Variants in CNNM2 observed in about 807,000 individuals in gnomAD.
CNNM2 encodes the protein cyclin and CBS domain divalent metal cation transport mediator 2.
CNNM2 carries 12 observed loss-of-function variants against 66.9 expected under a neutral mutation model. That is an observed-to-expected ratio of 0.18 (90% confidence interval 0.11 to 0.29). CNNM2 has a LOEUF of 0.29. Among genes scored for constraint, CNNM2 ranks in the 10% least tolerant of loss-of-function variants. The probability of loss-of-function intolerance (pLI) is 1.00; values close to 1 mark genes in which losing one functional copy is unlikely to be tolerated. For missense variants in CNNM2, 705 were observed against 1,167.7 expected (o/e 0.60, Z 5.77); for synonymous variants, 557 against 501.8 (o/e 1.11, Z -1.47).
chr10:103,011,839 C>T (rs536328288), intron 1 of CNNM2, among the ~76,000 whole-genome samples: 38 of 152,116 alleles, frequency 2.5e-4, no homozygotes, highest in Non-Finnish European at 4.3e-4. Flanking sequence ...ACTACAGGCA[C>T]GCGCCACCAT....
intron 3 of CNNM2, 126 bp from the exon 4 acceptor site, chr10:103,056,669 C>G: frequency 3.4e-6 from 3 of 886,902 alleles, no homozygotes; most frequent in East Asian, 2.6e-5. Context: ...AAACGGAAGC[C>G]TCGTCCATTC....
intron 1 of CNNM2, among the ~76,000 whole-genome samples, chr10:103,000,785 G>C (rs1163148059): frequency 2.0e-5 from 3 of 152,156 alleles, no homozygotes; most frequent in Non-Finnish European, 4.4e-5. Flanking sequence ...TGCCATGTTG[G>C]CCAGTCTGGT....
At chr10:103,000,437 G>A (rs2064096800) in intron 1 of CNNM2, among the ~76,000 whole-genome samples, 1 of 151,712 alleles carries the variant, frequency 6.6e-6, no homozygotes, top group African/African-American at 2.4e-5. Context: ...ATTTTTTTGT[G>A]TGTGTTTTAT....
At chr10:103,025,894 T>C (rs1041570713) in intron 1 of CNNM2, among the ~76,000 whole-genome samples, 1 of 152,236 alleles carries the variant, frequency 6.6e-6, no homozygotes, top group Admixed American at 6.5e-5. Context: ...CTCACAAAGT[T>C]CATGTGGCGA....
chr10:103,070,158 C>T (rs1489158818), intron 5 of CNNM2, among the ~76,000 whole-genome samples: 1 of 152,208 alleles, frequency 6.6e-6, no homozygotes, highest in Non-Finnish European at 1.5e-5. Context: ...CCACTGTGAA[C>T]ATGGGCCTGT....
chr10:102,992,723 T>G (rs776137559), intron 1 of CNNM2, among the ~76,000 whole-genome samples: 4 of 152,184 alleles, frequency 2.6e-5, no homozygotes, highest in Non-Finnish European at 5.9e-5. Flanking sequence ...CAAGCCTGCC[T>G]CGGTACCACA....
rs955872971 is a variant in CNNM2, at chr10:102,972,494, G to A, written c.1621+52393G>A. 2.0e-5 allele frequency among the ~76,000 whole-genome samples: 3 copies of A among 152,080 alleles called. No homozygotes were observed. Among genetic ancestry groups the A allele is most frequent in the South Asian group, 2.1e-4 (1 of 4,822 alleles). On this transcript the variant is annotated intron_variant, in intron 1 of 7. Coordinates refer to ENST00000369878, the MANE Select transcript of CNNM2 (RefSeq NM_017649.5). ...TACTAAAAATACAAAAAAATTAGAC[G>A]GGCGTGGTGGCGGGCGCCTGTAGTC...
chr10:102,963,837 A>G (rs1214846380), intron 1 of CNNM2, among the ~76,000 whole-genome samples: 1 of 152,240 alleles, frequency 6.6e-6, no homozygotes, highest in Non-Finnish European at 1.5e-5. Flanking sequence ...ACTTGAGGTG[A>G]TAAGTGCCCA....
intron 1 of CNNM2, among the ~76,000 whole-genome samples, chr10:102,984,547 G>A (rs1377317818): frequency 1.3e-5 from 2 of 152,152 alleles, no homozygotes; most frequent in Non-Finnish European, 1.5e-5. Context: ...GATGTTACTA[G>A]TAATTTTAAA....
Position 103,083,949 on chromosome 10 carries a change from G to T in CNNM2, c.*6769G>T, listed in dbSNP as rs1050362098. On this transcript the variant is annotated 3_prime_UTR_variant, in exon 8 of 8. Transcript: ENST00000369878. ...CCGGCCTGAGTGTGGCGAGGCGTGTGCAGGTGGGTCTTCAGGATTCAGTGG... is the reference window on the plus strand; with the variant it reads ...CCGGCCTGAGTGTGGCGAGGCGTGTTCAGGTGGGTCTTCAGGATTCAGTGG... 1 of 152,256 alleles carries T rather than the reference G, an allele frequency of 6.6e-6. No individual in the cohort carries two copies. Among genetic ancestry groups the T allele is most frequent in the Non-Finnish European group, 1.5e-5 (1 of 68,080 alleles). 9.4% of individuals were successfully genotyped at this position (152,256 alleles called of 1,614,324 possible).
rs1261111286 is a variant in CNNM2, at chr10:103,087,172, T to TTTTTTA, written c.*9992_*9993insTTTTTA. 5 of 108,090 alleles carry TTTTTTA rather than the reference T, an allele frequency of 4.6e-5. No homozygotes were observed. The highest frequency in any genetic ancestry group is 1.7e-4 in the African/African-American group (5 of 29,900). 6.7% of individuals were successfully genotyped at this position (108,090 alleles called of 1,614,324 possible). ...TTTTTTTTTTTTTTTTTTTTTTTTT[T>TTTTTTA]AAGGAAAAAAGTATACCTTTTAAGT... On this transcript the variant is annotated 3_prime_UTR_variant, in exon 8 of 8. Transcript: ENST00000369878.
chr10:102,996,205 C>T (rs2064000080), intron 1 of CNNM2, among the ~76,000 whole-genome samples: 1 of 151,024 alleles, frequency 6.6e-6, no homozygotes, highest in African/African-American at 2.4e-5. Context: ...TTTTATTGAT[C>T]TTTTCAAAGA....
At chr10:103,067,731 T>TC (rs1486021187) in intron 4 of CNNM2, among the ~76,000 whole-genome samples, 1 of 151,960 alleles carries the variant, frequency 6.6e-6, no homozygotes, top group East Asian at 1.9e-4. Context: ...AGACACTCTA[T>TC]CCCAAAAGAA....
intron 1 of CNNM2, among the ~76,000 whole-genome samples, chr10:103,030,230 C>T (rs923801341): frequency 4.6e-5 from 7 of 152,048 alleles, no homozygotes; most frequent in Non-Finnish European, 7.4e-5. Flanking sequence ...AGAACTTAAA[C>T]GTTCCTAAAT....
In CNNM2 at chr10:102,929,373, T is replaced by G. The variant is rs146702047; in HGVS notation, c.1621+9272T>G. Among the ~76,000 whole-genome samples, 13 of 151,902 alleles carry G rather than the reference T, an allele frequency of 8.6e-5. No homozygotes were observed. In the East Asian group the frequency reaches 2.5e-3, roughly 29 times the overall value. On this transcript the variant is annotated intron_variant, in intron 1 of 7. Coordinates refer to ENST00000369878, the MANE Select transcript of CNNM2 (RefSeq NM_017649.5). Reference sequence around the variant, plus strand: ...CAGAAGGATTGCTTGAATCTAGGAGTTTGAGGCTGCAATGAGCTGTGATTG... The same window carrying G: ...CAGAAGGATTGCTTGAATCTAGGAGGTTGAGGCTGCAATGAGCTGTGATTG...
At chr10:103,071,671 A>G (rs1385926017) in intron 5 of CNNM2, 103 bp from the exon 6 acceptor site, 1 of 886,750 alleles carries the variant, frequency 1.1e-6, no homozygotes, top group Non-Finnish European at 1.9e-6. Flanking sequence ...CTGAATGCTC[A>G]TATTGTATTG....
intron 3 of CNNM2, 57 bp from the exon 4 acceptor site, chr10:103,056,738 G>A (rs2065302964): frequency 2.0e-6 from 3 of 1,472,566 alleles, no homozygotes; most frequent in Non-Finnish European, 2.8e-6. Context: ...ACTATTAATA[G>A]TATAATTTTT....
intron 4 of CNNM2, among the ~76,000 whole-genome samples, chr10:103,061,465 T>C (rs1032366086): frequency 6.6e-6 from 1 of 152,146 alleles, no homozygotes; most frequent in African/African-American, 2.4e-5. Context: ...ATTTGGCTCT[T>C]TGAAAATATG....
chr10:103,023,591 C>T (rs1199789262), intron 1 of CNNM2, among the ~76,000 whole-genome samples: 2 of 152,126 alleles, frequency 1.3e-5, no homozygotes. Context: ...CCAACACCAA[C>T]TGAATAGCAC....
Sources: gnomAD v4.1 joint callset for allele counts (sites outside exome capture counted in the v4.1 genomes callset) on GRCh38, gnomAD v4.1.1 for gene constraint, MANE v1.5 for transcripts, NCBI Gene and HGNC (gene_info 2026-07-23, HGNC 2026-07-21) for gene names.